Variants in KLF12 observed in about 807,000 individuals in gnomAD.
The protein encoded by KLF12 is KLF transcription factor 12.
In KLF12, 9 loss-of-function variants were observed where a neutral mutation model predicts 37.8. The observed-to-expected ratio is 0.24, with a 90% CI of 0.14 to 0.42. The LOEUF (loss-of-function observed/expected upper bound fraction) is 0.42. Among genes scored for constraint, KLF12 ranks in the 10% least tolerant of loss-of-function variants. KLF12 has a pLI of 1.00. For missense variants in KLF12, 411 were observed against 516.0 expected, an observed-to-expected ratio of 0.80 and a Z score of 1.97; for synonymous variants, 208 against 202.1, an observed-to-expected ratio of 1.03 and a Z score of -0.25.
chr13:74,032,202 G>A (rs895082564), intron 1 of KLF12, among the ~76,000 whole-genome samples: 1 of 152,128 alleles, frequency 6.6e-6, no homozygotes, highest in Non-Finnish European at 1.5e-5. Flanking sequence ...AAATCTGTTA[G>A]GCACAGACTT....
chr13:73,924,536 C>T (rs370491500), intron 3 of KLF12, among the ~76,000 whole-genome samples: 1 of 152,082 alleles, frequency 6.6e-6, no homozygotes, highest in Non-Finnish European at 1.5e-5. Flanking sequence ...GTTTTGACTG[C>T]CCCACCCACC....
chr13:74,265,052 A>C, the KLF12 span, among the ~76,000 whole-genome samples: 1 of 152,226 alleles, frequency 6.6e-6, no homozygotes, highest in Non-Finnish European at 1.5e-5. Flanking sequence ...TTATAACATG[A>C]ATCTCATCTA....
rs1036142830 is a variant in KLF12, at chr13:73,824,984, G to A, written c.671-11697C>T. On this transcript the variant is annotated intron_variant, in intron 4 of 7. Coordinates refer to ENST00000377669, the MANE Select transcript of KLF12 (RefSeq NM_007249.5). The stretch of plus-strand genomic sequence containing the variant: ...TTTGGGAGGCTGAAGTAGGAGAATC[G>A]CTTGAACCCAGGAGGCGGAGGTTGC... 5.9e-5 allele frequency among the ~76,000 whole-genome samples: 9 copies of A among 152,024 alleles called. No individual in the cohort carries two copies. The East Asian group carries it at 7.8e-4, about 13-fold the overall frequency.
intron 1 of KLF12, among the ~76,000 whole-genome samples, chr13:74,127,765 G>C (rs1878025035): frequency 6.6e-6 from 1 of 152,106 alleles, no homozygotes; most frequent in Non-Finnish European, 1.5e-5. Flanking sequence ...CCTTTATTGT[G>C]CATTTTGTAT....
chr13:73,948,831 A>G (rs17288542), intron 2 of KLF12, among the ~76,000 whole-genome samples: 12,326 of 152,314 alleles, frequency 0.081, 668 homozygotes, highest in Non-Finnish European at 0.12. Flanking sequence ...GTAAGGGTTA[A>G]CAAACCTAAT....
At chr13:74,232,252 C>G in the KLF12 span, among the ~76,000 whole-genome samples, 2 of 152,114 alleles carry the variant, frequency 1.3e-5, no homozygotes, top group Non-Finnish European at 2.9e-5. Context: ...CAATGAAACT[C>G]CACCTCTCTG....
At chr13:74,215,956 G>T in the KLF12 span, among the ~76,000 whole-genome samples, 1 of 152,158 alleles carries the variant, frequency 6.6e-6, no homozygotes, top group Non-Finnish European at 1.5e-5. Flanking sequence ...GCTAGGGAAG[G>T]CACCATGGTG....
chr13:73,769,002 T>C (rs929604725), intron 5 of KLF12, among the ~76,000 whole-genome samples: 10 of 152,200 alleles, frequency 6.6e-5, no homozygotes, highest in South Asian at 2.1e-4. Context: ...TTAAGCCCAA[T>C]TGAACATTTT....
Position 73,846,123 on chromosome 13 carries a change from G to A in KLF12, c.374C>T (p.Ser125Leu). ...TACTGATGTGATAACAGTTGGGGATGAGGCTAGACGACTAGAAGACGATGA... is the reference window on the plus strand; with the variant it reads ...TACTGATGTGATAACAGTTGGGGATAAGGCTAGACGACTAGAAGACGATGA... The change falls in exon 4 of 8, where the codon TCA becomes TTA. Residue 125 changes from serine (S) to leucine (L), a missense_variant. This residue lies in a region of KLF12 where 351 missense variants were observed against 397.8 expected (regional missense o/e 0.88). Transcript: ENST00000377669. The A allele has an allele frequency of 1.2e-6, 2 of 1,614,156 alleles. No individual in the cohort carries two copies. The highest frequency in any genetic ancestry group is 1.7e-6 in the Non-Finnish European group (2 of 1,180,016).
intron 3 of KLF12, among the ~76,000 whole-genome samples, chr13:73,942,784 A>G (rs1029823766): frequency 6.6e-6 from 1 of 152,210 alleles, no homozygotes; most frequent in African/African-American, 2.4e-5. Flanking sequence ...TTTCAAAGCT[A>G]CAAAACTCAA....
At chr13:74,050,025 G>A (rs574566462) in intron 1 of KLF12, among the ~76,000 whole-genome samples, 8 of 151,992 alleles carry the variant, frequency 5.3e-5, no homozygotes, top group Admixed American at 2.6e-4. Flanking sequence ...AAGGACTTAC[G>A]TTTACAGAAT....
the KLF12 span, among the ~76,000 whole-genome samples, chr13:74,242,761 C>T: frequency 3.9e-5 from 6 of 152,082 alleles, no homozygotes; most frequent in South Asian, 2.1e-4. Flanking sequence ...GGAAAGAAGG[C>T]GTGGCCCTAT....
intron 2 of KLF12, among the ~76,000 whole-genome samples, chr13:73,988,600 G>T (rs760346100): frequency 9.9e-5 from 15 of 152,150 alleles, no homozygotes; most frequent in Non-Finnish European, 2.2e-4. Flanking sequence ...TCCTCCAAGA[G>T]AATTGGCGAT....
chr13:74,253,820 ATAAATTATGAAAACAC>A, the KLF12 span, among the ~76,000 whole-genome samples: 3 of 152,366 alleles, frequency 2.0e-5, no homozygotes, highest in Admixed American at 2.0e-4. Context: ...CCCAGCCTAT[ATAAATTATGAAAACAC>A]TACAAATTAT....
Position 73,841,749 on chromosome 13 carries a change from C to A in KLF12, c.670+4078G>T, listed in dbSNP as rs147677909. On this transcript the variant is annotated intron_variant, in intron 4 of 7. Transcript: ENST00000377669. ...AAAACCGCAATTACTTTTGCACCAA[C>A]GTAATAACAAAACTCTCCTCTCTAT... Among the ~76,000 whole-genome samples, 633 of 152,218 alleles carry A rather than the reference C, an allele frequency of 4.2e-3. 1 individual carries two copies. The highest frequency in any genetic ancestry group is 0.014 in the African/African-American group (577 of 41,534).
chr13:74,281,924 C>A, the KLF12 span, among the ~76,000 whole-genome samples: 87 of 152,156 alleles, frequency 5.7e-4, 2 homozygotes, highest in Non-Finnish European at 8.8e-5. Flanking sequence ...AAATTCTTAT[C>A]GGAGAGGGCT....
intron 3 of KLF12, among the ~76,000 whole-genome samples, chr13:73,905,073 A>T (rs1164609380): frequency 6.6e-6 from 1 of 152,132 alleles, no homozygotes; most frequent in East Asian, 1.9e-4. Context: ...CTGTATAAAG[A>T]CCTATTACAC....
intron 1 of KLF12, among the ~76,000 whole-genome samples, chr13:74,008,479 A>G (rs1892471217): frequency 6.6e-6 from 1 of 152,248 alleles, no homozygotes; most frequent in Non-Finnish European, 1.5e-5. Flanking sequence ...GTTCTTTGCA[A>G]TATGATGAAT....
chr13:73,745,837 T>C (rs1395652093), intron 6 of KLF12, among the ~76,000 whole-genome samples: 1 of 152,228 alleles, frequency 6.6e-6, no homozygotes. Flanking sequence ...GTCAAGGGTA[T>C]ACCACTAAAT....
Sources: allele counts gnomAD v4.1 joint callset (sites outside exome capture counted in the v4.1 genomes callset), GRCh38; gene constraint gnomAD v4.1.1; regional missense constraint gnomAD v4.1.1; transcripts MANE v1.5; gene names NCBI Gene and HGNC (gene_info 2026-07-23, HGNC 2026-07-21).